PLCB2: variants seen among roughly 807,000 people sequenced by gnomAD.
PLCB2 encodes the protein phospholipase C beta 2.
In PLCB2, 115 loss-of-function variants were observed where a neutral mutation model predicts 141.7. The ratio of observed to expected loss-of-function variants is 0.81; its 90% confidence interval spans 0.70 to 0.95. The LOEUF is 0.95. PLCB2 is among the 40% of genes least tolerant of loss of function. The probability of loss-of-function intolerance (pLI) is 0.00; values close to 1 mark genes in which losing one functional copy is unlikely to be tolerated. For missense variants in PLCB2, 1,403 were observed against 1,541.1 expected (o/e 0.91, Z 1.50); for synonymous variants, 603 against 595.6 (o/e 1.01, Z -0.18).
chr15:40,298,697 G>T lies in PLCB2; in HGVS notation c.862C>A (p.Pro288Thr). Residue 288 changes from proline (P) to threonine (T), a missense_variant, in exon 10 of 32, where the codon CCT (proline) becomes ACT (threonine). Pro to Thr is a conservative substitution (Grantham distance 38). Coordinates refer to ENST00000260402, the MANE Select transcript of PLCB2 (RefSeq NM_004573.3). ...CAGAGAAACCAGACCATGCCTTCAG[G>T]TGACAGCTGGCCTGGGGGACAGGAG... The part of the protein sequence containing the change: ...GINAQRGQLS[P>T]EGMVWFLCGP... 6 of 1,614,162 alleles carry T rather than the reference G, an allele frequency of 3.7e-6. No homozygotes were observed. The highest frequency in any genetic ancestry group is 5.1e-6 in the Non-Finnish European group (6 of 1,180,010).
rs368406104 is a variant in PLCB2 at position 40,296,369 on chromosome 15, C to T, written c.1623G>A (p.Thr541=). 351 of 1,613,596 alleles carry T rather than the reference C, an allele frequency of 2.2e-4. No individual in the cohort carries two copies. Among genetic ancestry groups the T allele is most frequent in the Non-Finnish European group, 2.8e-4 (334 of 1,179,860 alleles). The change falls in exon 16 of 32, where the codon ACG becomes ACA. Residue 541 remains threonine (T), a synonymous_variant. Transcript: ENST00000260402. ...SDEGTAGLEV[T]AYEEMSSLVN... ...CTAGGCTGGACATCTCCTCATAAGCCGTCACTTCCAGGCCCGCTGTGCCCT... is the reference window on the plus strand; with the variant it reads ...CTAGGCTGGACATCTCCTCATAAGCTGTCACTTCCAGGCCCGCTGTGCCCT...
intron 16 of PLCB2, among the ~76,000 whole-genome samples, chr15:40,295,758 T>C (rs1260387649): frequency 6.6e-6 from 1 of 151,932 alleles, no homozygotes. Context: ...GGTTCAGGGA[T>C]GAGAAGTTAG....
At chr15:40,289,179 C>T in intron 31 of PLCB2, 93 bp downstream of exon 31, 1 of 1,195,038 alleles carries the variant, frequency 8.4e-7, no homozygotes, top group Non-Finnish European at 1.2e-6. Context: ...CCCCCTTCCC[C>T]TACCCTCTCA....
At chr15:40,286,684 A>C (rs1293480111), downstream of PLCB2, among the ~76,000 whole-genome samples, 42 of 152,216 alleles carry the variant, frequency 2.8e-4, no homozygotes, top group Admixed American at 2.7e-3. Context: ...GGAAGGCGTC[A>C]ACTCTTCTTC....
At chr15:40,304,967 T>G (rs1364956460) in intron 1 of PLCB2, among the ~76,000 whole-genome samples, 1 of 152,208 alleles carries the variant, frequency 6.6e-6, no homozygotes, top group Non-Finnish European at 1.5e-5. Context: ...ATGCAGCATT[T>G]ACAAGGTGAA....
rs1483629173 is a variant in PLCB2 at position 40,303,316 on chromosome 15, C to T, written c.203G>A (p.Arg68His). The change falls in exon 3 of 32, where the codon CGC (arginine) becomes CAC (histidine). Residue 68 changes from arginine (R) to histidine (H), a missense_variant. Coordinates refer to ENST00000260402, the MANE Select transcript of PLCB2 (RefSeq NM_004573.3). The stretch of plus-strand genomic sequence containing the variant: ...GGGCATCTTGGCAAACTTCCCAAAG[C>T]GAGTATCCCGGATGCTGGTGATATC... ...FLDITSIRDT[R>H]FGKFAKMPKS... The T allele has an allele frequency of 1.9e-6, 3 of 1,613,856 alleles. No individual in the cohort carries two copies. Among genetic ancestry groups the T allele is most frequent in the Non-Finnish European group, 2.5e-6 (3 of 1,179,794 alleles).
intron 7 of PLCB2, chr15:40,301,230 G>A (rs2412508): frequency 0.87 from 228,677 of 263,730 alleles, 101,363 homozygotes; most frequent in Non-Finnish European, 0.93. Context: ...TATTTATAAC[G>A]TTCCAAATTC....
intron 21 of PLCB2, 45 bp downstream of exon 21, chr15:40,292,881 G>T (rs1285098024): frequency 2.2e-5 from 28 of 1,297,514 alleles, no homozygotes; most frequent in Non-Finnish European, 2.9e-5. Flanking sequence ...CTGTGCACAG[G>T]CTCCTGCTGC....
Position 40,301,968 on chromosome 15 carries a change from G to A in PLCB2, c.571C>T (p.Pro191Ser), listed in dbSNP as rs1394841567. The A allele has an allele frequency of 1.2e-6, 2 of 1,613,952 alleles. No individual in the cohort carries two copies. The highest frequency in any genetic ancestry group is 2.2e-5 in the South Asian group (2 of 91,078). ...GCAGATCCACTCACTTTGCCTTTGG[G>A]GAGGTGGCAGGCACTGAGAGCAGCT... is the stretch of plus-strand genomic sequence containing the variant. ...VEAALSACHL[P>S]KGKNDAINPE... The change falls in exon 7 of 32, where the codon CCC becomes TCC. Residue 191 changes from proline (P) to serine (S), a missense_variant. Pro to Ser is a moderately conservative substitution (Grantham distance 74, BLOSUM62 -1). Around this residue, in one of 4 missense-constraint regions of PLCB2, gnomAD observed 975 missense variants for 1,141.1 expected, o/e 0.85. Coordinates refer to ENST00000260402, the MANE Select transcript of PLCB2 (RefSeq NM_004573.3).
chr15:40,304,368 C>T (rs2040689614), intron 1 of PLCB2, among the ~76,000 whole-genome samples: 1 of 152,142 alleles, frequency 6.6e-6, no homozygotes, highest in Admixed American at 6.5e-5. Flanking sequence ...CTCCCTACTG[C>T]CACCCAGGAG....
rs1300690365 is a variant in PLCB2, at chr15:40,292,175, G to C, written c.2432-17C>G. 6.2e-7 allele frequency: 1 copy of C among 1,606,090 alleles called. No homozygotes were observed. Among genetic ancestry groups the C allele is most frequent in the Non-Finnish European group, 8.5e-7 (1 of 1,172,968 alleles). On this transcript the variant is annotated splice_polypyrimidine_tract_variant and intron_variant, in intron 22 of 31. Coordinates refer to ENST00000260402, the MANE Select transcript of PLCB2 (RefSeq NM_004573.3). Reference sequence around the variant, plus strand: ...CAGTGAGATCTGGGTGGGTGCACAGGACATTACAACATAGTGTATATGGAG... The same window carrying C: ...CAGTGAGATCTGGGTGGGTGCACAGCACATTACAACATAGTGTATATGGAG...
chr15:40,289,236 C>G, intron 31 of PLCB2, 36 bp downstream of exon 31: 1 of 1,556,296 alleles, frequency 6.4e-7, no homozygotes, highest in Non-Finnish European at 8.9e-7. Context: ...GGAACCCATT[C>G]AGTTCTGCTG....
rs200020289 is a variant in PLCB2, at chr15:40,294,267, G to A, written c.2060C>T (p.Thr687Met). The A allele has an allele frequency of 9.4e-5, 150 of 1,598,592 alleles. 1 individual carries two copies. The highest frequency in any genetic ancestry group is 5.9e-4 in the South Asian group (54 of 90,912). ...CACTTGTGTGCCCCAGGGCCTTGCC[G>A]TAATGGAAAGGGTGGTGGCCACCAC... ...DVVVATTLSI[T>M]VISGQFLSER... Residue 687 changes from threonine (T) to methionine (M), a missense_variant and splice_region_variant, in exon 19 of 32, where the codon ACG becomes ATG. Thr to Met is a moderately conservative substitution (Grantham distance 81). This residue lies in a region of PLCB2 where 975 missense variants were observed against 1,141.1 expected (regional missense o/e 0.85). Transcript: ENST00000260402.
chr15:40,298,264 T>C lies in PLCB2; in HGVS notation c.1114A>G (p.Ile372Val). 3 of 1,593,902 alleles carry C rather than the reference T, an allele frequency of 1.9e-6. No individual in the cohort carries two copies. The highest frequency in any genetic ancestry group is 2.3e-5 in the South Asian group (2 of 88,482). The change falls in exon 11 of 32, where the codon ATC becomes GTC. Residue 372 changes from isoleucine to valine, a missense_variant. By Grantham distance (29) the Ile-to-Val change is conservative. Coordinates refer to ENST00000260402, the MANE Select transcript of PLCB2 (RefSeq NM_004573.3). ...GTGGTCATGGTGAAGCCATGGGTGA[T>C]AATGGGCTCCTCGTCAGGGGGTTTC... ...KGKPPDEEPI[I>V]THGFTMTTDI... is the part of the protein sequence containing the mutation.
At chr15:40,305,593 G>C (rs1475122637) in intron 1 of PLCB2, among the ~76,000 whole-genome samples, 1 of 152,202 alleles carries the variant, frequency 6.6e-6, no homozygotes, top group South Asian at 2.1e-4. Context: ...AGCTGAAGGT[G>C]GTAAGAAGGG....
rs1284663040 is a variant in PLCB2, at chr15:40,288,022, A to G, written c.*693T>C. The G allele has an allele frequency of 1.0e-6, 1 of 985,296 alleles. No homozygotes were observed. Among genetic ancestry groups the G allele is most frequent in the Non-Finnish European group, 1.2e-6 (1 of 829,898 alleles). The allele number at this position is 985,296 out of a possible 1,614,324, so 61.0% of individuals were successfully genotyped here. ...CAGGCAGGCAGCCTGAGAGGGGTAC[A>G]TGGTAGGAACTGCCTGCCCCCAGGC... On this transcript the variant is annotated 3_prime_UTR_variant, in exon 32 of 32. Coordinates refer to ENST00000260402, the MANE Select transcript of PLCB2 (RefSeq NM_004573.3).
chr15:40,297,712 G>T lies in PLCB2; in HGVS notation c.1239-107C>A. 3.9e-6 allele frequency: 4 copies of T among 1,021,994 alleles called. No homozygotes were observed. The highest frequency in any genetic ancestry group is 6.0e-6 in the Non-Finnish European group (4 of 664,630). 63.3% of individuals were successfully genotyped at this position (1,021,994 alleles called of 1,614,324 possible). ...AGATCAGGGGCCAGGAGGTCAGGGA[G>T]GCTGGGACTCGAGCAGGAGAACATG... is the stretch of plus-strand genomic sequence containing the variant. On this transcript the variant is annotated intron_variant, in intron 12 of 31. Coordinates refer to ENST00000260402, the MANE Select transcript of PLCB2 (RefSeq NM_004573.3). This position sits in a 1 kb window ranked among gnomAD's most constrained non-coding sequence, Gnocchi z 4.2.
chr15:40,295,694 C>T (rs1321386425), intron 16 of PLCB2, among the ~76,000 whole-genome samples: 2 of 152,084 alleles, frequency 1.3e-5, no homozygotes, highest in African/African-American at 4.8e-5. Flanking sequence ...GGGAGAGGGG[C>T]ACATTAACTG....
intron 31 of PLCB2, 58 bp from the exon 32 acceptor site, chr15:40,288,976 C>A: frequency 6.3e-7 from 1 of 1,587,610 alleles, no homozygotes; most frequent in Non-Finnish European, 8.6e-7. Context: ...GCCACCCTCG[C>A]TCCCTGGACA....
Sources: allele counts gnomAD v4.1 joint callset (sites outside exome capture counted in the v4.1 genomes callset), GRCh38; gene constraint gnomAD v4.1.1; regional missense constraint gnomAD v4.1.1; non-coding constraint Gnocchi (gnomAD v3.1); transcripts MANE v1.5; gene names NCBI Gene and HGNC (gene_info 2026-07-23, HGNC 2026-07-21).